Variants in MINDY4 observed in about 807,000 individuals in gnomAD.
The protein encoded by MINDY4 is MINDY lysine 48 deubiquitinase 4.
A neutral mutation model predicts 87.0 loss-of-function variants in MINDY4; 68 were observed. The observed-to-expected ratio is 0.78, with a 90% CI of 0.64 to 0.96. The LOEUF is 0.96. MINDY4 is among the 40% of genes least tolerant of loss of function. The pLI, the probability that MINDY4 is intolerant of heterozygous loss-of-function variation, is 0.00. For synonymous variants in MINDY4, 379 were observed against 363.2 expected, an observed-to-expected ratio of 1.04 and a Z score of -0.50; for missense variants, 919 against 928.2, an observed-to-expected ratio of 0.99 and a Z score of 0.13.
At chr7:30,882,129 G>T in intron 15 of MINDY4, 52 bp from the exon 16 acceptor site, 1 of 1,529,210 alleles carries the variant, frequency 6.5e-7, no homozygotes, top group Non-Finnish European at 8.9e-7. Flanking sequence ...AAAAATGCCC[G>T]GACCCCTTTC....
chr7:30,811,448 C>A (rs1483174766), intron 5 of MINDY4, among the ~76,000 whole-genome samples: 3 of 152,154 alleles, frequency 2.0e-5, no homozygotes, highest in South Asian at 4.1e-4. Context: ...ATCTGTCTTG[C>A]AAGAAGACAT....
intron 13 of MINDY4, among the ~76,000 whole-genome samples, chr7:30,868,935 A>C (rs1469652582): frequency 6.6e-6 from 1 of 152,228 alleles, no homozygotes; most frequent in East Asian, 1.9e-4. Context: ...CAGCCAGGGC[A>C]GCCAGGGCCA....
chr7:30,815,443 A>T (rs1439562802), intron 5 of MINDY4, among the ~76,000 whole-genome samples: 1 of 152,132 alleles, frequency 6.6e-6, no homozygotes, highest in Non-Finnish European at 1.5e-5. Flanking sequence ...ACCCCATCAC[A>T]TCTCTAGCAC....
In MINDY4 at chr7:30,791,159, C is replaced by T. The variant is rs1787312420; in HGVS notation, c.664-6C>T. 1.2e-6 allele frequency: 2 copies of T among 1,601,760 alleles called. No homozygotes were observed. The highest frequency in any genetic ancestry group is 4.5e-5 in the East Asian group (2 of 44,570). ...TCCTCACTGCTTTTGTCCTTACTCC[C>T]TTTAGGATTCTTTTCACAGACACTA... is the stretch of plus-strand genomic sequence containing the variant. On this transcript the variant is annotated splice_region_variant and splice_polypyrimidine_tract_variant and intron_variant, in intron 4 of 17. Coordinates refer to ENST00000265299, the MANE Select transcript of MINDY4 (RefSeq NM_032222.3).
At chr7:30,799,338 C>T (rs1787583188) in intron 5 of MINDY4, among the ~76,000 whole-genome samples, 1 of 152,078 alleles carries the variant, frequency 6.6e-6, no homozygotes, top group Non-Finnish European at 1.5e-5. Flanking sequence ...ACTTTGGAGT[C>T]CTTCCTAGAC....
intron 9 of MINDY4, among the ~76,000 whole-genome samples, chr7:30,845,226 G>T (rs1448746294): frequency 6.6e-6 from 1 of 152,096 alleles, no homozygotes; most frequent in East Asian, 1.9e-4. Flanking sequence ...CTTCACGGTG[G>T]AACCTCCCCT....
At chr7:30,816,546 C>T (rs542510590) in intron 5 of MINDY4, among the ~76,000 whole-genome samples, 5 of 152,264 alleles carry the variant, frequency 3.3e-5, no homozygotes, top group South Asian at 2.1e-4. Flanking sequence ...TCTCTGCAGC[C>T]GAACAGCCTG....
At chr7:30,809,760 G>T (rs1787926433) in intron 5 of MINDY4, among the ~76,000 whole-genome samples, 1 of 150,908 alleles carries the variant, frequency 6.6e-6, no homozygotes, top group African/African-American at 2.4e-5. Context: ...AGTTTGCTTT[G>T]GAAAAGAATG....
rs778839691 is a variant in MINDY4, at chr7:30,771,458, G to C, written c.-36G>C. ...ACCCAGTTGCCTGGTGCTGCGGCCCGGCGTGGGCCTCGTGGGCAGAGCCAG... is the reference window on the plus strand; with the variant it reads ...ACCCAGTTGCCTGGTGCTGCGGCCCCGCGTGGGCCTCGTGGGCAGAGCCAG... On this transcript the variant is annotated 5_prime_UTR_variant, in exon 1 of 18. Coordinates refer to ENST00000265299, the MANE Select transcript of MINDY4 (RefSeq NM_032222.3). 1.9e-6 allele frequency: 3 copies of C among 1,589,022 alleles called. No homozygotes were observed. Among genetic ancestry groups the C allele is most frequent in the East Asian group, 4.5e-5 (2 of 44,018 alleles).
intron 15 of MINDY4, among the ~76,000 whole-genome samples, chr7:30,878,425 G>A (rs577330584): frequency 6.6e-6 from 1 of 152,266 alleles, no homozygotes; most frequent in East Asian, 1.9e-4. Context: ...ATAAGTAACT[G>A]GTCCGGCCTG....
rs1189968250 is a variant in MINDY4 at position 30,852,290 on chromosome 7, C to A, written c.1611+11C>A. ...GGAGTCTTAGAAACAGTACGACTTTCTGGAAAATTATCACGCAAACTTTGG... is the reference window on the plus strand; with the variant it reads ...GGAGTCTTAGAAACAGTACGACTTTATGGAAAATTATCACGCAAACTTTGG... On this transcript the variant is annotated intron_variant, in intron 11 of 17. Transcript: ENST00000265299. The A allele has an allele frequency of 5.6e-6, 9 of 1,613,928 alleles. No homozygotes were observed. The highest frequency in any genetic ancestry group is 7.6e-6 in the Non-Finnish European group (9 of 1,179,998).
Position 30,785,845 on chromosome 7 carries a change from T to C in MINDY4, c.516T>C (p.Thr172=), listed in dbSNP as rs1787145935. 6.2e-7 allele frequency: 1 copy of C among 1,614,226 alleles called. No individual in the cohort carries two copies. The highest frequency in any genetic ancestry group is 8.5e-7 in the Non-Finnish European group (1 of 1,180,038). The part of the protein sequence containing the change: ...SKPMQTVPGE[T]PVLTSAWEKI... ...CCATGCAGACGGTCCCGGGTGAAAC[T>C]CCTGTGTTGACTTCTGCATGGGAGA... is the stretch of plus-strand genomic sequence containing the variant. The change falls in exon 4 of 18, where the codon ACT becomes ACC. Residue 172 remains threonine, a synonymous_variant. Transcript: ENST00000265299.
chr7:30,836,106 C>T (rs1562547758), intron 6 of MINDY4, among the ~76,000 whole-genome samples: 1 of 152,204 alleles, frequency 6.6e-6, no homozygotes, highest in Non-Finnish European at 1.5e-5. Flanking sequence ...ATGATAATTA[C>T]TTTCTCATAA....
intron 7 of MINDY4, among the ~76,000 whole-genome samples, chr7:30,838,815 A>G (rs1788939210): frequency 6.6e-6 from 1 of 152,184 alleles, no homozygotes; most frequent in South Asian, 2.1e-4. Context: ...GGAACTTCGT[A>G]TCCTAGATGG....
At chr7:30,800,759 G>C (rs1279912874) in intron 5 of MINDY4, among the ~76,000 whole-genome samples, 1 of 152,184 alleles carries the variant, frequency 6.6e-6, no homozygotes, top group Non-Finnish European at 1.5e-5. Flanking sequence ...GCCTTGTTCT[G>C]CTGTGGGTCT....
intron 17 of MINDY4, 75 bp from the exon 18 acceptor site, chr7:30,891,882 G>A (rs1790804202): frequency 1.4e-6 from 2 of 1,462,550 alleles, no homozygotes; most frequent in East Asian, 4.5e-5. Flanking sequence ...TCAGGAAGTG[G>A]AGGCAAGAGA....
chr7:30,882,379 C>T lies in MINDY4; in HGVS notation c.2152+18C>T, dbSNP rs767039363. On this transcript the variant is annotated intron_variant, in intron 16 of 17. Transcript: ENST00000265299. Reference sequence around the variant, plus strand: ...GACCATTGGTGCGGGCCCTCACCCCCCCACCCACCCAACCCTGTCCCCAAG... The same window carrying T: ...GACCATTGGTGCGGGCCCTCACCCCTCCACCCACCCAACCCTGTCCCCAAG... The T allele has an allele frequency of 3.3e-6, 5 of 1,494,760 alleles. No individual in the cohort carries two copies. The South Asian group carries it at 3.9e-5, about 12-fold the overall frequency. 92.6% of individuals were successfully genotyped at this position (1,494,760 alleles called of 1,614,324 possible). A position where few individuals can be genotyped will look rare whatever the true frequency, so the allele number is the denominator to read the frequency against.
chr7:30,859,193 G>C, intron 12 of MINDY4, 64 bp from the exon 13 acceptor site: 1 of 1,465,752 alleles, frequency 6.8e-7, no homozygotes, highest in Non-Finnish European at 9.6e-7. Flanking sequence ...CTCCCACAGA[G>C]GTGTGGGGCT....
At position 30,785,858 on chromosome 7, in the gene MINDY4, T is replaced by G. The variant is rs1377336290; in HGVS notation, c.529T>G (p.Ser177Ala). Residue 177 changes from serine to alanine, a missense_variant, in exon 4 of 18, where the codon TCT becomes GCT. Physicochemically the swap from Ser to Ala is moderately conservative, Grantham distance 99 (BLOSUM62 1). Transcript: ENST00000265299. The stretch of plus-strand genomic sequence containing the variant: ...CCCGGGTGAAACTCCTGTGTTGACT[T>G]CTGCATGGGAGAAGATAGACAAGCT... ...TVPGETPVLT[S>A]AWEKIDKLHS... 1.2e-6 allele frequency: 2 copies of G among 1,614,106 alleles called. No individual in the cohort carries two copies. The highest frequency in any genetic ancestry group is 3.3e-5 in the Admixed American group (2 of 60,006).
Sources: gnomAD v4.1 joint callset for allele counts (sites outside exome capture counted in the v4.1 genomes callset) on GRCh38, gnomAD v4.1.1 for gene constraint, MANE v1.5 for transcripts, NCBI Gene and HGNC (gene_info 2026-07-23, HGNC 2026-07-21) for gene names.